The following PLB1 variants were observed in gnomAD, a reference collection of about 807,000 sequenced individuals.
PLB1 encodes the protein phospholipase B1, membrane-associated.
A neutral mutation model predicts 227.4 loss-of-function variants in PLB1; 242 were observed. The ratio of observed to expected loss-of-function variants is 1.06; its 90% CI spans 0.96 to 1.18. The LOEUF is 1.18. Ranked by LOEUF, PLB1 falls within the 50% of genes most tolerant of loss-of-function variation. The pLI is 0.00. For synonymous variants in PLB1, 757 were observed against 682.2 expected (o/e 1.11, Z -1.71); for missense variants, 1,858 against 1,816.3 (o/e 1.02, Z -0.42).
chr2:28,538,199 C>T (rs1356027245), intron 9 of PLB1, 120 bp from the exon 10 acceptor site: 12 of 1,155,436 alleles, frequency 1.0e-5, no homozygotes, highest in Non-Finnish European at 1.5e-5. Context: ...AATGCCAGGT[C>T]TAGATGGTGC....
chr2:28,511,085 A>G (rs916025137), intron 1 of PLB1, among the ~76,000 whole-genome samples: 1 of 152,236 alleles, frequency 6.6e-6, no homozygotes, highest in Non-Finnish European at 1.5e-5. Context: ...AAAGTCTAAT[A>G]TAAATCAGTA....
At chr2:28,595,224 T>C (rs760539671) in intron 33 of PLB1, 1 of 152,256 alleles carries the variant, frequency 6.6e-6, no homozygotes, top group Non-Finnish European at 1.5e-5. Flanking sequence ...TACAGCCTAA[T>C]GTCTCAATCT....
At position 28,572,408 on chromosome 2, in the gene PLB1, A is replaced by G. The variant is rs551781790; in HGVS notation, c.1325-789A>G. Among the ~76,000 whole-genome samples the G allele has an allele frequency of 4.6e-5, 7 of 152,346 alleles. 1 individual carries two copies. In the East Asian group the frequency reaches 9.6e-4, roughly 21 times the overall value. ...ACAGAGTTTAACCTTTTCCACTCTT[A>G]GATACATATCCAAGGGAAATCCACA... On this transcript the variant is annotated intron_variant, in intron 20 of 57. Coordinates refer to ENST00000327757, the MANE Select transcript of PLB1 (RefSeq NM_153021.5).
intron 1 of PLB1, among the ~76,000 whole-genome samples, chr2:28,497,650 G>A (rs1191998647): frequency 6.6e-6 from 1 of 152,188 alleles, no homozygotes; most frequent in Non-Finnish European, 1.5e-5. Flanking sequence ...CTCTGGCCTG[G>A]CCGATTGCAG....
chr2:28,519,435 T>C (rs1172038395), intron 3 of PLB1, among the ~76,000 whole-genome samples: 1 of 152,198 alleles, frequency 6.6e-6, no homozygotes, highest in African/African-American at 2.4e-5. Flanking sequence ...ATGAAGGCCA[T>C]GAGTGACCTT....
chr2:28,516,842 T>C lies in PLB1; in HGVS notation c.90T>C (p.Ser30=). 1 of 1,613,696 alleles carries C rather than the reference T, an allele frequency of 6.2e-7. No individual in the cohort carries two copies. The highest frequency in any genetic ancestry group is 8.5e-7 in the Non-Finnish European group (1 of 1,179,780). The change falls in exon 2 of 58, where the codon AGT becomes AGC. Residue 30 remains serine (S), a synonymous_variant. Transcript: ENST00000327757. ...AGATCCATACCTCTCCTAGAAAGAGTACATTGGAAGGGCAGCTATGGCCAG... is the reference window on the plus strand; with the variant it reads ...AGATCCATACCTCTCCTAGAAAGAGCACATTGGAAGGGCAGCTATGGCCAG... ...TPQIHTSPRK[S]TLEGQLWPET... is the part of the protein sequence containing the mutation.
chr2:28,593,808 G>A (rs1682419833), intron 33 of PLB1, 54 bp downstream of exon 33: 1 of 1,498,582 alleles, frequency 6.7e-7, no homozygotes, highest in Non-Finnish European at 9.3e-7. Context: ...GAGATTAGGT[G>A]TGGCTTTGTC....
chr2:28,628,695 G>C, intron 52 of PLB1, 67 bp downstream of exon 52: 1 of 1,490,112 alleles, frequency 6.7e-7, no homozygotes, highest in South Asian at 1.1e-5. Context: ...TAGGCAGGCT[G>C]TGTTCAGTGA....
intron 4 of PLB1, among the ~76,000 whole-genome samples, chr2:28,524,546 C>T (rs544976420): frequency 5.3e-5 from 8 of 152,104 alleles, no homozygotes; most frequent in Non-Finnish European, 1.2e-4. Flanking sequence ...AGGCACTGTT[C>T]TAGGTCCAAG....
At chr2:28,603,864 G>A (rs937613473) in intron 39 of PLB1, 102 bp from the exon 40 acceptor site, 53 of 1,069,296 alleles carry the variant, frequency 5.0e-5, no homozygotes, top group Middle Eastern at 2.7e-4. Context: ...AAACCAGGGC[G>A]GGAGGGAGCC....
intron 46 of PLB1, among the ~76,000 whole-genome samples, chr2:28,618,913 A>G (rs1180774063): frequency 6.6e-6 from 1 of 152,200 alleles, no homozygotes; most frequent in Admixed American, 6.5e-5. Flanking sequence ...CTCTATTAGC[A>G]ATTCTAAGGG....
intron 25 of PLB1, among the ~76,000 whole-genome samples, chr2:28,583,233 T>A (rs186988921): frequency 6.2e-4 from 94 of 152,064 alleles, no homozygotes; most frequent in Non-Finnish European, 1.2e-3. Context: ...TTGCCTAGGC[T>A]GGAGTGCAGT....
Position 28,539,100 on chromosome 2 carries a change from T to C in PLB1, c.620T>C (p.Val207Ala). The C allele has an allele frequency of 6.2e-7, 1 of 1,612,092 alleles. No homozygotes were observed. Among genetic ancestry groups the C allele is most frequent in the Non-Finnish European group, 8.5e-7 (1 of 1,178,176 alleles). The stretch of plus-strand genomic sequence containing the variant: ...CTCCCTCTCTGTGTGTCCTCCTAGG[T>C]CCCCAGAGCATTTGTAAACCTGGTG... ...MGVLDYLQQE[V>A]PRAFVNLVDL... The change falls in exon 11 of 58, where the codon GTC becomes GCC. Residue 207 changes from valine (V) to alanine (A), a missense_variant and splice_region_variant. By Grantham distance (64) the Val-to-Ala change is moderately conservative. Coordinates refer to ENST00000327757, the MANE Select transcript of PLB1 (RefSeq NM_153021.5).
chr2:28,618,196 G>T, intron 45 of PLB1, 145 bp from the exon 46 acceptor site: 1 of 762,874 alleles, frequency 1.3e-6, no homozygotes. Flanking sequence ...GAATGAATGG[G>T]AGGGGCAAAA....
chr2:28,627,264 C>G (rs1687924357), intron 51 of PLB1, among the ~76,000 whole-genome samples: 1 of 152,106 alleles, frequency 6.6e-6, no homozygotes. Flanking sequence ...CAGTTCTCTC[C>G]CTGACCACCC....
chr2:28,641,163 TCTC>T (rs1440619779), intron 57 of PLB1, among the ~76,000 whole-genome samples, 162 bp downstream of exon 57: 2 of 152,090 alleles, frequency 1.3e-5, no homozygotes, highest in East Asian at 1.9e-4. Flanking sequence ...CACGGAAACT[TCTC>T]AGTGTGTGGG....
chr2:28,600,708 CA>C, intron 35 of PLB1, 100 bp from the exon 36 acceptor site: 1 of 1,061,354 alleles, frequency 9.4e-7, no homozygotes, highest in East Asian at 2.4e-5. Flanking sequence ...CCAGCTCATG[CA>C]GTGGGGATGA....
intron 1 of PLB1, among the ~76,000 whole-genome samples, chr2:28,500,459 G>T (rs1666956617): frequency 6.6e-6 from 1 of 152,142 alleles, no homozygotes; most frequent in Non-Finnish European, 1.5e-5. Flanking sequence ...TTTTCCCAGT[G>T]ATTTTTAGCA....
chr2:28,625,741 C>T (rs908139869), intron 50 of PLB1, among the ~76,000 whole-genome samples: 1 of 152,122 alleles, frequency 6.6e-6, no homozygotes, highest in Non-Finnish European at 1.5e-5. Flanking sequence ...CCTACAGCTC[C>T]CTGGAAGGCC....
Sources: allele counts gnomAD v4.1 joint callset (sites outside exome capture counted in the v4.1 genomes callset), GRCh38; gene constraint gnomAD v4.1.1; transcripts MANE v1.5; gene names NCBI Gene and HGNC (gene_info 2026-07-23, HGNC 2026-07-21).